Variants in RAB27A observed in about 807,000 individuals in gnomAD.
The protein encoded by RAB27A is ras-related protein Rab-27A.
In RAB27A, 17 loss-of-function variants were observed where a neutral mutation model predicts 20.8. The ratio of observed to expected loss-of-function variants is 0.82; its 90% CI spans 0.56 to 1.23. The LOEUF (loss-of-function observed/expected upper bound fraction) is 1.23, where lower values mean the gene tolerates loss of function less well. RAB27A is among the 50% of genes most tolerant of loss of function. The pLI, the probability that RAB27A is intolerant of heterozygous loss-of-function variation, is 0.00. For synonymous variants in RAB27A, 85 were observed against 92.8 expected (o/e 0.92, Z 0.48); for missense variants, 277 against 266.7 (o/e 1.04, Z -0.27).
chr15:55,274,829 T>TATATATATAGAGAG (rs1244330728), intron 1 of RAB27A, among the ~76,000 whole-genome samples: 1 of 139,008 alleles, frequency 7.2e-6, no homozygotes, highest in Non-Finnish European at 1.6e-5. Flanking sequence ...TATATATGTA[T>TATATATATAGAGAG]AGAGAGAGAC....
At chr15:55,258,662 C>G (rs1897169047) in intron 2 of RAB27A, among the ~76,000 whole-genome samples, 1 of 152,204 alleles carries the variant, frequency 6.6e-6, no homozygotes, top group Non-Finnish European at 1.5e-5. Flanking sequence ...ATATCTTCAC[C>G]AACATTTGGT....
intron 2 of RAB27A, among the ~76,000 whole-genome samples, chr15:55,261,387 ACT>A (rs1434441543): frequency 1.3e-5 from 2 of 151,192 alleles, no homozygotes; most frequent in Admixed American, 6.6e-5. Flanking sequence ...ACAGAGTTAG[ACT>A]CTGTCTCAAA....
At chr15:55,235,727 C>T (rs1427696384) in intron 2 of RAB27A, among the ~76,000 whole-genome samples, 1 of 151,846 alleles carries the variant, frequency 6.6e-6, no homozygotes. Flanking sequence ...ACATAAGGAA[C>T]CAGTCCAAAT....
chr15:55,216,839 A>G (rs924864941), intron 6 of RAB27A, among the ~76,000 whole-genome samples: 16 of 152,126 alleles, frequency 1.1e-4, no homozygotes, highest in African/African-American at 3.4e-4. Flanking sequence ...ACTCCTCATT[A>G]AACTCCTCAC....
intron 2 of RAB27A, among the ~76,000 whole-genome samples, chr15:55,244,098 C>T (rs1339342127): frequency 1.3e-5 from 2 of 152,034 alleles, no homozygotes; most frequent in South Asian, 2.1e-4. Flanking sequence ...GTCACGAGTT[C>T]GAGACCAGCC....
upstream of RAB27A, among the ~76,000 whole-genome samples, chr15:55,291,381 G>A (rs1253004028): frequency 2.6e-5 from 4 of 151,980 alleles, no homozygotes; most frequent in East Asian, 1.9e-4. Flanking sequence ...GTCGTGGCAC[G>A]CGCCTGTAGT....
At chr15:55,208,329 T>G (rs1009783564) in intron 6 of RAB27A, among the ~76,000 whole-genome samples, 2 of 152,230 alleles carry the variant, frequency 1.3e-5, no homozygotes, top group Admixed American at 1.3e-4. Context: ...TATATAATTT[T>G]GACTGCTTTT....
chr15:55,237,044 G>C (rs938720555), intron 2 of RAB27A, among the ~76,000 whole-genome samples: 7 of 152,068 alleles, frequency 4.6e-5, no homozygotes. Flanking sequence ...AAAACAACTA[G>C]CTATCTCATT....
At chr15:55,291,978 A>C (rs1486659421), upstream of RAB27A, among the ~76,000 whole-genome samples, 1 of 152,222 alleles carries the variant, frequency 6.6e-6, no homozygotes, top group Non-Finnish European at 1.5e-5. Context: ...CTTAGAATGA[A>C]TGAGGGCAAG....
chr15:55,267,242 G>T (rs1402599434), intron 2 of RAB27A, among the ~76,000 whole-genome samples: 1 of 152,212 alleles, frequency 6.6e-6, no homozygotes, highest in African/African-American at 2.4e-5. Context: ...AAAGATTCCA[G>T]CTTAGACTAT....
chr15:55,255,609 G>A (rs956050323), intron 2 of RAB27A, among the ~76,000 whole-genome samples: 5 of 152,122 alleles, frequency 3.3e-5, no homozygotes, highest in African/African-American at 1.2e-4. Context: ...AGTGTTTGGG[G>A]ACTCCACTGA....
upstream of RAB27A, among the ~76,000 whole-genome samples, chr15:55,291,510 C>CAAAAAAAA (rs530643102): frequency 1.4e-5 from 1 of 69,000 alleles, no homozygotes; most frequent in Non-Finnish European, 2.7e-5. Flanking sequence ...GACTCTGTTT[C>CAAAAAAAA]AAAAAAAAAA....
chr15:55,311,908 C>T (rs1444158515), intron 2 of RAB27A, among the ~76,000 whole-genome samples: 2 of 152,136 alleles, frequency 1.3e-5, no homozygotes, highest in Admixed American at 6.5e-5. Flanking sequence ...CCAGAGCTCC[C>T]GATAGTGGCA....
chr15:55,207,483 CA>C (rs1443498253), intron 6 of RAB27A, among the ~76,000 whole-genome samples: 2 of 152,176 alleles, frequency 1.3e-5, no homozygotes, highest in African/African-American at 4.8e-5. Flanking sequence ...CAAATATTAT[CA>C]TTTTCTGCAG....
chr15:55,226,631 A>C (rs370398524), intron 5 of RAB27A, among the ~76,000 whole-genome samples: 2 of 152,204 alleles, frequency 1.3e-5, no homozygotes, highest in Middle Eastern at 6.8e-3. Context: ...GCACTTTGGG[A>C]GGCTGAGGCG....
At chr15:55,312,156 T>C (rs2055024117) in intron 2 of RAB27A, among the ~76,000 whole-genome samples, 1 of 152,172 alleles carries the variant, frequency 6.6e-6, no homozygotes, top group Non-Finnish European at 1.5e-5. Flanking sequence ...GGAGTGGCAA[T>C]GGGCGCCTCG....
chr15:55,228,852 G>T, intron 4 of RAB27A, 140 bp from the exon 5 acceptor site: 1 of 704,818 alleles, frequency 1.4e-6, no homozygotes. Flanking sequence ...ATATAGGATA[G>T]TTATTTATCA....
At chr15:55,207,904 G>A (rs28630909) in intron 6 of RAB27A, among the ~76,000 whole-genome samples, 40,611 of 151,842 alleles carry the variant, frequency 0.27, 7,047 homozygotes, top group African/African-American at 0.49. Context: ...TGATCTGTCT[G>A]CCTCCACTCC....
intron 2 of RAB27A, among the ~76,000 whole-genome samples, chr15:55,301,034 T>C (rs968012984): frequency 6.6e-6 from 1 of 152,168 alleles, no homozygotes. Flanking sequence ...GGCCACTGGA[T>C]ACAGGCCCTA....
Sources: allele counts gnomAD v4.1 joint callset (sites outside exome capture counted in the v4.1 genomes callset), GRCh38; gene constraint gnomAD v4.1.1; transcripts MANE v1.5; gene names NCBI Gene and HGNC (gene_info 2026-07-23, HGNC 2026-07-21).